RPRD1B: variants seen among roughly 807,000 people sequenced by gnomAD.
RPRD1B encodes the protein regulation of nuclear pre-mRNA domain-containing protein 1B.
RPRD1B carries 11 observed loss-of-function variants against 41.5 expected under a neutral mutation model. That is an observed-to-expected ratio of 0.27 (90% confidence interval 0.17 to 0.44). RPRD1B has a LOEUF of 0.44. Ranked by LOEUF, RPRD1B falls within the 20% of genes least tolerant of loss-of-function variation. The probability of loss-of-function intolerance (pLI) is 1.00; values close to 1 mark genes in which losing one functional copy is unlikely to be tolerated. For synonymous variants in RPRD1B, 158 were observed against 155.6 expected, an observed-to-expected ratio of 1.02 and a Z score of -0.12; for missense variants, 248 against 389.9, an observed-to-expected ratio of 0.64 and a Z score of 3.06.
intron 3 of RPRD1B, among the ~76,000 whole-genome samples, chr20:38,052,959 C>G (rs1033360818): frequency 6.6e-6 from 1 of 151,658 alleles, no homozygotes; most frequent in Non-Finnish European, 1.5e-5. Flanking sequence ...TACCATAAAC[C>G]CTTAGGTAAC....
intron 5 of RPRD1B, among the ~76,000 whole-genome samples, chr20:38,062,010 G>C (rs1186530649): frequency 6.6e-6 from 1 of 152,158 alleles, no homozygotes; most frequent in Admixed American, 6.5e-5. Context: ...GTAATCACAG[G>C]GTCCTTGTAA....
intron 5 of RPRD1B, among the ~76,000 whole-genome samples, chr20:38,060,730 A>G (rs547220651): frequency 6.6e-6 from 1 of 151,492 alleles, no homozygotes; most frequent in Non-Finnish European, 1.5e-5. Flanking sequence ...TCAGCCCCTC[A>G]CTCTGCTTTC....
chr20:38,069,126 T>C (rs1045144116), intron 6 of RPRD1B, among the ~76,000 whole-genome samples: 3 of 152,250 alleles, frequency 2.0e-5, no homozygotes, highest in Admixed American at 2.0e-4. Context: ...TTTAACTTTG[T>C]ATCTTGCTTT....
rs894565958 is a variant in RPRD1B, at chr20:38,090,273, T to C, written c.*398T>C. ...TGAAAGCAGCTTCTCCTTTCTGGGC[T>C]GGGCTTGTTCAAGTTCGGTGTGGGC... is the stretch of plus-strand genomic sequence containing the variant. On this transcript the variant is annotated 3_prime_UTR_variant, in exon 7 of 7. Coordinates refer to ENST00000373433, the MANE Select transcript of RPRD1B (RefSeq NM_021215.4). 6.1e-6 allele frequency: 6 copies of C among 989,668 alleles called. No individual in the cohort carries two copies. In the African/African-American group the frequency reaches 1.0e-4, roughly 17 times the overall value. 61.3% of individuals were successfully genotyped at this position (989,668 alleles called of 1,614,324 possible).
At chr20:38,070,096 TAACC>T in intron 6 of RPRD1B, 1 of 606,294 alleles carries the variant, frequency 1.6e-6, no homozygotes. Context: ...TACGGAAAGG[TAACC>T]ATTTTTAGAA....
intron 6 of RPRD1B, among the ~76,000 whole-genome samples, chr20:38,077,366 C>G (rs1002025882): frequency 6.6e-6 from 1 of 152,166 alleles, no homozygotes; most frequent in African/African-American, 2.4e-5. Context: ...GACAGTATGG[C>G]TGCGACAGAC....
At chr20:38,042,307 T>A (rs771879548) in intron 2 of RPRD1B, among the ~76,000 whole-genome samples, 7 of 152,128 alleles carry the variant, frequency 4.6e-5, no homozygotes, top group Non-Finnish European at 7.3e-5. Flanking sequence ...TGAGCTATAA[T>A]CATACCACTG....
At chr20:38,056,522 G>A (rs1941216117) in intron 3 of RPRD1B, among the ~76,000 whole-genome samples, 1 of 152,234 alleles carries the variant, frequency 6.6e-6, no homozygotes, top group Admixed American at 6.5e-5. Context: ...AGAAGAAAAT[G>A]TGTAAGCAAA....
In RPRD1B at chr20:38,034,091, C is replaced by T; in HGVS notation, c.144C>T (p.Leu48=). The T allele has an allele frequency of 6.2e-7, 1 of 1,613,356 alleles. No individual in the cohort carries two copies. The highest frequency in any genetic ancestry group is 8.5e-7 in the Non-Finnish European group (1 of 1,179,510). ...TCGTCTCCGTGTGGCACCGCGAGCTCCGCAAAGGTAAACACCAAATCCCCA... is the reference window on the plus strand; with the variant it reads ...TCGTCTCCGTGTGGCACCGCGAGCTTCGCAAAGGTAAACACCAAATCCCCA... The part of the protein sequence containing the change: ...GPIVSVWHRE[L]RKAKSNRKLT... The change falls in exon 1 of 7, where the codon CTC becomes CTT. Residue 48 remains leucine (L), a synonymous_variant. Transcript: ENST00000373433.
intron 5 of RPRD1B, among the ~76,000 whole-genome samples, chr20:38,065,105 T>C (rs553000778): frequency 1.3e-5 from 2 of 152,378 alleles, no homozygotes; most frequent in African/African-American, 2.4e-5. Context: ...CTGTGGGTCA[T>C]GTTCAGAAAC....
intron 6 of RPRD1B, among the ~76,000 whole-genome samples, chr20:38,071,405 T>G (rs2074411878): frequency 1.3e-5 from 2 of 152,238 alleles, no homozygotes; most frequent in South Asian, 2.1e-4. Context: ...AACACTAATC[T>G]GTTGTATGGA....
At chr20:38,051,186 T>C (rs940113048) in intron 3 of RPRD1B, among the ~76,000 whole-genome samples, 35 of 152,362 alleles carry the variant, frequency 2.3e-4, no homozygotes, top group Admixed American at 2.2e-3. Context: ...TAAAGGTGTC[T>C]CTCAAAACAT....
intron 2 of RPRD1B, among the ~76,000 whole-genome samples, chr20:38,041,784 C>T (rs2074068663): frequency 6.6e-6 from 1 of 152,172 alleles, no homozygotes; most frequent in Non-Finnish European, 1.5e-5. Flanking sequence ...GGATACCACT[C>T]CCCCTCATAA....
At chr20:38,042,177 C>T (rs1018354859) in intron 2 of RPRD1B, among the ~76,000 whole-genome samples, 2 of 152,016 alleles carry the variant, frequency 1.3e-5, no homozygotes, top group African/African-American at 4.8e-5. Context: ...ATAGTGAGAC[C>T]CTGTGTCTAC....
chr20:38,057,692 T>G lies in RPRD1B; in HGVS notation c.528+48T>G, dbSNP rs375777656. On this transcript the variant is annotated intron_variant, in intron 4 of 6. Transcript: ENST00000373433. ...TAGGGAACAGTGGCTTAAAGTGACC[T>G]CTAGTTGAAGACTATGGCCACAAGG... The G allele has an allele frequency of 1.4e-5, 19 of 1,342,250 alleles. 1 individual carries two copies. The highest frequency in any genetic ancestry group is 9.4e-5 in the South Asian group (8 of 84,864). 83.1% of individuals were successfully genotyped at this position (1,342,250 alleles called of 1,614,324 possible).
chr20:38,051,235 C>G lies in RPRD1B; in HGVS notation c.415+2754C>G, dbSNP rs553426884. Among the ~76,000 whole-genome samples, 59 of 152,254 alleles carry G rather than the reference C, an allele frequency of 3.9e-4. 1 individual carries two copies. The highest frequency in any genetic ancestry group is 3.4e-3 in the Middle Eastern group (1 of 294). Reference sequence around the variant, plus strand: ...ATAAATATATACAATTATTATTTGTCACTTAAAAACAAAATTTAAAAAGTA... The same window carrying G: ...ATAAATATATACAATTATTATTTGTGACTTAAAAACAAAATTTAAAAAGTA... On this transcript the variant is annotated intron_variant, in intron 3 of 6. Transcript: ENST00000373433.
At chr20:38,082,402 T>C (rs2122766192) in intron 6 of RPRD1B, among the ~76,000 whole-genome samples, 1 of 152,316 alleles carries the variant, frequency 6.6e-6, no homozygotes, top group South Asian at 2.1e-4. Flanking sequence ...TGTTTTTGTT[T>C]TTGAGACGGA....
chr20:38,078,382 T>C (rs939324620), intron 6 of RPRD1B, among the ~76,000 whole-genome samples: 1 of 152,230 alleles, frequency 6.6e-6, no homozygotes, highest in African/African-American at 2.4e-5. Context: ...TCAGTTATAC[T>C]TACCTAGTTA....
intron 1 of RPRD1B, among the ~76,000 whole-genome samples, chr20:38,036,887 A>G (rs1253844883): frequency 3.3e-5 from 5 of 152,208 alleles, no homozygotes; most frequent in Admixed American, 6.5e-5. Flanking sequence ...AGGTGTTCCA[A>G]TAGCCACACG....
Sources: allele counts gnomAD v4.1 joint callset (sites outside exome capture counted in the v4.1 genomes callset), GRCh38; gene constraint gnomAD v4.1.1; transcripts MANE v1.5; gene names NCBI Gene and HGNC (gene_info 2026-07-23, HGNC 2026-07-21).